Variants in NFKB1 observed in about 807,000 individuals in gnomAD.
NFKB1 encodes nuclear factor NF-kappa-B p105 subunit.
NFKB1 carries 9 observed loss-of-function variants against 105.1 expected under a neutral mutation model. The ratio of observed to expected loss-of-function variants is 0.09; its 90% CI spans 0.05 to 0.15. The LOEUF (loss-of-function observed/expected upper bound fraction) is 0.15, where lower values mean the gene tolerates loss of function less well. Among genes scored for constraint, NFKB1 ranks in the 10% least tolerant of loss-of-function variants. The pLI, the probability that NFKB1 is intolerant of heterozygous loss-of-function variation, is 1.00. For synonymous variants in NFKB1, 440 were observed against 442.2 expected, an observed-to-expected ratio of 1.00 and a Z score of 0.06; for missense variants, 830 against 1,203.7, an observed-to-expected ratio of 0.69 and a Z score of 4.59.
intron 19 of NFKB1, among the ~76,000 whole-genome samples, chr4:102,609,611 C>CAAAAAAAAAAAAAAAAAAA (rs34646774): frequency 1.6e-5 from 1 of 64,262 alleles, no homozygotes; most frequent in African/African-American, 6.1e-5. Context: ...GACTCCATCT[C>CAAAAAAAAAAAAAAAAAAA]AAAAAAAAAA....
At chr4:102,532,506 G>A (rs559515223) in intron 3 of NFKB1, among the ~76,000 whole-genome samples, 1 of 152,194 alleles carries the variant, frequency 6.6e-6, no homozygotes, top group African/African-American at 2.4e-5. Flanking sequence ...GTAGGCGCCT[G>A]TAATTCCAGC....
chr4:102,603,570 T>G (rs1009945173), intron 16 of NFKB1, among the ~76,000 whole-genome samples: 12 of 152,168 alleles, frequency 7.9e-5, no homozygotes, highest in African/African-American at 2.7e-4. Context: ...TAATGGGCAG[T>G]GATTCTGGCT....
At chr4:102,593,652 T>C (rs1477543097) in intron 12 of NFKB1, 84 bp downstream of exon 12, 2 of 1,348,078 alleles carry the variant, frequency 1.5e-6, no homozygotes, top group Admixed American at 4.7e-5. Context: ...AGCATGTCTG[T>C]GAGTTGAGTG....
At position 102,612,006 on chromosome 4, in the gene NFKB1, C is replaced by T. The variant is rs1452848672; in HGVS notation, c.2353-38C>T. 5.2e-6 allele frequency: 8 copies of T among 1,550,520 alleles called. No homozygotes were observed. The African/African-American group carries it at 6.8e-5, about 13-fold the overall frequency. ...AAACAGACTGCCCTAGTGGTCCCTT[C>T]GATGTATAACGATTTCTGGTGTTTT... On this transcript the variant is annotated intron_variant, in intron 20 of 23. Transcript: ENST00000226574.
At chr4:102,603,683 G>T (rs1324425475) in intron 16 of NFKB1, among the ~76,000 whole-genome samples, 1 of 152,114 alleles carries the variant, frequency 6.6e-6, no homozygotes, top group African/African-American at 2.4e-5. Context: ...TGTTGTAAAG[G>T]TTCTCTAGTA....
intron 11 of NFKB1, among the ~76,000 whole-genome samples, chr4:102,591,027 GAAA>G (rs1001001981): frequency 7.9e-5 from 12 of 152,034 alleles, no homozygotes; most frequent in African/African-American, 2.7e-4. Context: ...GGAGGCTGCA[GAAA>G]AAAAGTTGGA....
intron 1 of NFKB1, among the ~76,000 whole-genome samples, chr4:102,524,272 G>A (rs1011826680): frequency 6.6e-6 from 1 of 152,150 alleles, no homozygotes; most frequent in Non-Finnish European, 1.5e-5. Context: ...GAGGGCCTCT[G>A]GGTAATAGAA....
rs1727837343 is a variant in NFKB1 at position 102,607,173 on chromosome 4, A to G, written c.1978A>G (p.Met660Val). 6.2e-6 allele frequency: 10 copies of G among 1,614,146 alleles called. No homozygotes were observed. Among genetic ancestry groups the G allele is most frequent in the African/African-American group, 1.3e-5 (1 of 75,036 alleles). ...AGGTCTGAATGCCATTCATCTAGCCATGATGAGCAATAGCCTGCCATGTTT... is the reference window on the plus strand; with the variant it reads ...AGGTCTGAATGCCATTCATCTAGCCGTGATGAGCAATAGCCTGCCATGTTT... The part of the protein sequence containing the change: ...GDGLNAIHLA[M>V]MSNSLPCLLL... The change falls in exon 18 of 24, where the codon ATG (methionine) becomes GTG (valine). Residue 660 changes from methionine to valine, a missense_variant. Physicochemically the swap from Met to Val is conservative, Grantham distance 21 (BLOSUM62 1). This residue lies in a region of NFKB1 where 418 missense variants were observed against 575.3 expected (regional missense o/e 0.73). Coordinates refer to ENST00000226574, the MANE Select transcript of NFKB1 (RefSeq NM_003998.4).
At chr4:102,596,053 C>A in intron 13 of NFKB1, 85 bp from the exon 14 acceptor site, 1 of 880,502 alleles carries the variant, frequency 1.1e-6, no homozygotes, top group Non-Finnish European at 1.7e-6. Flanking sequence ...TTGTCTCTTA[C>A]CTTTATCTGA....
At chr4:102,584,553 T>A in intron 10 of NFKB1, 129 bp from the exon 11 acceptor site, 1 of 871,032 alleles carries the variant, frequency 1.1e-6, no homozygotes, top group South Asian at 3.1e-5. Flanking sequence ...GACACGGTGT[T>A]TTTTAGTACA....
intron 4 of NFKB1, among the ~76,000 whole-genome samples, chr4:102,535,233 A>C (rs1451411663): frequency 1.3e-5 from 2 of 152,184 alleles, no homozygotes; most frequent in African/African-American, 4.8e-5. Context: ...GTAGTCTATG[A>C]AACAGAAATC....
chr4:102,579,706 G>A (rs1445895999), intron 8 of NFKB1, among the ~76,000 whole-genome samples: 2 of 149,554 alleles, frequency 1.3e-5, no homozygotes, highest in East Asian at 3.9e-4. Flanking sequence ...CTTTTTAAGA[G>A]TTTTACAGTA....
At chr4:102,596,045 G>T in intron 13 of NFKB1, 93 bp from the exon 14 acceptor site, 2 of 770,522 alleles carry the variant, frequency 2.6e-6, no homozygotes, top group Admixed American at 2.7e-5. Context: ...CAGCAAACTT[G>T]TCTCTTACCT....
At chr4:102,522,509 G>A (rs75872738) in intron 1 of NFKB1, among the ~76,000 whole-genome samples, 5,002 of 152,268 alleles carry the variant, frequency 0.033, 309 homozygotes, top group African/African-American at 0.11. Context: ...GCCTGCAATT[G>A]ACAGATTTTC....
intron 1 of NFKB1, among the ~76,000 whole-genome samples, chr4:102,521,561 T>A (rs1304399167): frequency 6.6e-6 from 1 of 152,226 alleles, no homozygotes; most frequent in Non-Finnish European, 1.5e-5. Flanking sequence ...TTTTATTTTT[T>A]AAAATGAAAT....
At position 102,600,765 on chromosome 4, in the gene NFKB1, C is replaced by T. The variant is rs150479366; in HGVS notation, c.1638-130C>T. 650 of 674,532 alleles carry T rather than the reference C, an allele frequency of 9.6e-4. 2 individuals are homozygous for T. The highest frequency in any genetic ancestry group is 7.2e-3 in the Middle Eastern group (18 of 2,494). The allele number at this position is 674,532 out of a possible 1,614,324, so 41.8% of individuals were successfully genotyped here. A position where few individuals can be genotyped will look rare whatever the true frequency, so the allele number is the denominator to read the frequency against. ...TCAGATTCAATGCATTTTATAGATT[C>T]AAAACATTTTAGGGCCAAATAAAAC... On this transcript the variant is annotated intron_variant, in intron 15 of 23. Coordinates refer to ENST00000226574, the MANE Select transcript of NFKB1 (RefSeq NM_003998.4).
At chr4:102,555,008 A>G (rs916040891) in intron 5 of NFKB1, among the ~76,000 whole-genome samples, 8 of 152,188 alleles carry the variant, frequency 5.3e-5, no homozygotes, top group African/African-American at 1.7e-4. Flanking sequence ...GCTTCAAAAA[A>G]TAATCCTTTT....
chr4:102,527,488 A>T (rs1370975972), intron 2 of NFKB1, among the ~76,000 whole-genome samples: 2 of 152,208 alleles, frequency 1.3e-5, no homozygotes, highest in African/African-American at 4.8e-5. Context: ...AAAAATAAAA[A>T]CAGAAGTGGA....
intron 2 of NFKB1, among the ~76,000 whole-genome samples, chr4:102,527,551 G>A (rs1032281050): frequency 6.6e-6 from 1 of 152,116 alleles, no homozygotes; most frequent in African/African-American, 2.4e-5. Flanking sequence ...GACATATATA[G>A]CATTTATCAC....
Sources: gnomAD v4.1 joint callset for allele counts (sites outside exome capture counted in the v4.1 genomes callset) on GRCh38, gnomAD v4.1.1 for gene constraint, gnomAD v4.1.1 regional missense constraint, MANE v1.5 for transcripts, NCBI Gene and HGNC (gene_info 2026-07-23, HGNC 2026-07-21) for gene names.